Variants in LAMC3 observed in about 807,000 individuals in gnomAD.
LAMC3 encodes laminin subunit gamma 3.
Under a neutral mutation model 173.8 loss-of-function variants are expected in LAMC3, and 128 were observed. That is an observed-to-expected ratio of 0.74 (90% CI 0.64 to 0.85). The LOEUF (loss-of-function observed/expected upper bound fraction) is 0.85, where lower values mean the gene tolerates loss of function less well. Among genes scored for constraint, LAMC3 ranks in the 40% least tolerant of loss-of-function variants. The pLI, the probability that LAMC3 is intolerant of heterozygous loss-of-function variation, is 0.00. For synonymous variants in LAMC3, 897 were observed against 909.1 expected, an observed-to-expected ratio of 0.99 and a Z score of 0.24; for missense variants, 2,022 against 2,156.0, an observed-to-expected ratio of 0.94 and a Z score of 1.23.
intron 22 of LAMC3, among the ~76,000 whole-genome samples, chr9:131,078,123 C>T (rs1362769316): frequency 6.6e-6 from 1 of 152,190 alleles, no homozygotes; most frequent in East Asian, 1.9e-4. Flanking sequence ...TTATACTCAT[C>T]ACCTCTGCAT....
At position 131,075,870 on chromosome 9, in the gene LAMC3, G is replaced by T; in HGVS notation, c.3534G>T (p.Trp1178Cys). ...DTATKIAATA[W>C]RALLASNTSY... The stretch of plus-strand genomic sequence containing the variant: ...CCACCAAGATCGCAGCCACTGCTTG[G>T]AGGGCCCTGCTCGCCTCCAACACCA... Residue 1178 changes from tryptophan (W) to cysteine (C), a missense_variant, in exon 21 of 28, where the codon TGG becomes TGT. Transcript: ENST00000361069. The T allele has an allele frequency of 6.2e-7, 1 of 1,612,544 alleles. No homozygotes were observed. The highest frequency in any genetic ancestry group is 8.5e-7 in the Non-Finnish European group (1 of 1,179,332).
chr9:131,047,644 C>T (rs929803653), intron 8 of LAMC3, among the ~76,000 whole-genome samples: 1 of 151,374 alleles, frequency 6.6e-6, no homozygotes, highest in South Asian at 2.1e-4. Flanking sequence ...GAGCGGATCA[C>T]CTGAGGTCAA....
chr9:131,021,281 G>C (rs960200523), intron 1 of LAMC3: 1 of 152,172 alleles, frequency 6.6e-6, no homozygotes, highest in African/African-American at 2.4e-5. Context: ...GACAGTAACT[G>C]CTCTGGGGCT....
intron 27 of LAMC3, among the ~76,000 whole-genome samples, chr9:131,090,180 C>G (rs975573554): frequency 6.6e-6 from 1 of 152,180 alleles, no homozygotes; most frequent in Non-Finnish European, 1.5e-5. Flanking sequence ...CCAAGTGACT[C>G]AGCGTGCGTG....
intron 10 of LAMC3, 68 bp from the exon 11 acceptor site, chr9:131,052,782 C>A: frequency 1.5e-6 from 2 of 1,328,238 alleles, no homozygotes; most frequent in Non-Finnish European, 2.2e-6. Context: ...GGGGGCTACC[C>A]CCCATCCCCA....
At position 131,059,589 on chromosome 9, in the gene LAMC3, T is replaced by C. The variant is rs942693822; in HGVS notation, c.2159-1446T>C. Among the ~76,000 whole-genome samples, 5 of 149,552 alleles carry C rather than the reference T, an allele frequency of 3.3e-5. No homozygotes were observed. In the East Asian group the frequency reaches 1.0e-3, roughly 31 times the overall value. The stretch of plus-strand genomic sequence containing the variant: ...CACACGCCACATACAGGGCACTCTG[T>C]CTTCTTGTGTCCATGGCAAGCATTG... On this transcript the variant is annotated intron_variant, in intron 12 of 27. Coordinates refer to ENST00000361069, the MANE Select transcript of LAMC3 (RefSeq NM_006059.4).
rs751440821 is a variant in LAMC3, at chr9:131,032,449, C to CCCTCCCTT, written c.809+284_809+291dup. Among the ~76,000 whole-genome samples the CCCTCCCTT allele has an allele frequency of 2.8e-3, 418 of 151,538 alleles. 1 individual carries two copies. Among genetic ancestry groups the CCCTCCCTT allele is most frequent in the Middle Eastern group, 6.9e-3 (2 of 290 alleles). ...GAGGTTCCTTCCTTCCTCCCTCCCT[C>CCCTCCCTT]CCTCCCTTCCTCCCTTCGCTCTCGC... On this transcript the variant is annotated intron_variant, in intron 3 of 27. Transcript: ENST00000361069.
Position 131,032,187 on chromosome 9 carries a change from GAGGGAGGC to G in LAMC3, c.809+17_809+24del, listed in dbSNP as rs1303994293. ...TCTGTGGGCGGCAGGTAGGAGGGAG[GAGGGAGGC>G]AGGGTGGCAGGGCTCCAGGACCCAA... is the stretch of plus-strand genomic sequence containing the variant. On this transcript the variant is annotated intron_variant, in intron 3 of 27. Coordinates refer to ENST00000361069, the MANE Select transcript of LAMC3 (RefSeq NM_006059.4). The G allele has an allele frequency of 5.2e-6, 8 of 1,550,366 alleles. No individual in the cohort carries two copies. The highest frequency in any genetic ancestry group is 4.1e-5 in the African/African-American group (3 of 73,026).
intron 19 of LAMC3, among the ~76,000 whole-genome samples, 162 bp downstream of exon 19, chr9:131,072,997 C>T (rs1281359431): frequency 4.6e-5 from 7 of 152,154 alleles, no homozygotes; most frequent in Admixed American, 3.9e-4. Flanking sequence ...CTGGATTCAG[C>T]GAGAGGATGT....
At chr9:131,011,279 T>C (rs1034857462) in intron 1 of LAMC3, among the ~76,000 whole-genome samples, 31 of 152,316 alleles carry the variant, frequency 2.0e-4, no homozygotes, top group African/African-American at 7.2e-4. Context: ...GGATTAGGGA[T>C]GATGGGACTG....
At chr9:131,039,702 C>T (rs1446975018) in intron 6 of LAMC3, among the ~76,000 whole-genome samples, 3 of 151,518 alleles carry the variant, frequency 2.0e-5, no homozygotes, top group Non-Finnish European at 1.5e-5. Flanking sequence ...TTCCAGAGCC[C>T]AGTGCAAGGA....
intron 23 of LAMC3, among the ~76,000 whole-genome samples, chr9:131,080,688 C>T (rs1230085024): frequency 1.3e-5 from 2 of 152,048 alleles, no homozygotes; most frequent in African/African-American, 2.4e-5. Flanking sequence ...TTTGGCTTTG[C>T]CCCCGGGGTA....
chr9:131,049,822 T>A (rs1446073420), intron 9 of LAMC3, among the ~76,000 whole-genome samples: 1 of 152,120 alleles, frequency 6.6e-6, no homozygotes, highest in Non-Finnish European at 1.5e-5. Context: ...GGAAGGAGGT[T>A]CTTGATCATT....
At position 131,069,847 on chromosome 9, in the gene LAMC3, G is replaced by T. The variant is rs745626055; in HGVS notation, c.3066G>T (p.Glu1022Asp). The T allele has an allele frequency of 6.3e-7, 1 of 1,586,534 alleles. No homozygotes were observed. The highest frequency in any genetic ancestry group is 8.6e-7 in the Non-Finnish European group (1 of 1,166,004). ...CGTCCTGCTACGCCCTGGTGAAGGA[G>T]GAGGTGAGTCGGCCCAGACCCACTC... is the stretch of plus-strand genomic sequence containing the variant. ...QCPSCYALVK[E>D]EAAKLKARLT... Residue 1022 changes from glutamate to aspartate, a missense_variant, in exon 17 of 28, where the codon GAG becomes GAT. Transcript: ENST00000361069.
chr9:131,031,855 C>G (rs187177630), intron 2 of LAMC3, among the ~76,000 whole-genome samples, 190 bp from the exon 3 acceptor site: 1 of 152,210 alleles, frequency 6.6e-6, no homozygotes, highest in Non-Finnish European at 1.5e-5. Context: ...TAGCCTAGCA[C>G]CCAGGTTGGG....
intron 22 of LAMC3, among the ~76,000 whole-genome samples, chr9:131,078,520 T>C (rs1458541017): frequency 6.6e-6 from 1 of 152,056 alleles, no homozygotes; most frequent in Non-Finnish European, 1.5e-5. Flanking sequence ...AAACTCAGCT[T>C]ATAAAAATGC....
intron 16 of LAMC3, among the ~76,000 whole-genome samples, 186 bp downstream of exon 16, chr9:131,069,236 A>G (rs1312083068): frequency 1.3e-5 from 2 of 152,232 alleles, no homozygotes; most frequent in Non-Finnish European, 2.9e-5. Flanking sequence ...GCAGAGTCAC[A>G]TGACCCAGAG....
intron 9 of LAMC3, among the ~76,000 whole-genome samples, chr9:131,051,537 G>T (rs1294414131): frequency 6.6e-6 from 1 of 151,740 alleles, no homozygotes; most frequent in Non-Finnish European, 1.5e-5. Context: ...CTAATTTTTT[G>T]TATTTTTACT....
Position 131,075,898 on chromosome 9 carries a change from T to G in LAMC3, c.3562T>G (p.Tyr1188Asp). 6.2e-7 allele frequency: 1 copy of G among 1,612,412 alleles called. No homozygotes were observed. The highest frequency in any genetic ancestry group is 8.5e-7 in the Non-Finnish European group (1 of 1,179,110). ...GGCCCTGCTCGCCTCCAACACCAGCTACGCGCTTCTCTGGAATCTGCTGGA... is the reference window on the plus strand; with the variant it reads ...GGCCCTGCTCGCCTCCAACACCAGCGACGCGCTTCTCTGGAATCTGCTGGA... ...WRALLASNTS[Y>D]ALLWNLLEGR... Residue 1188 changes from tyrosine to aspartate, a missense_variant, in exon 21 of 28, where the codon TAC (tyrosine) becomes GAC (aspartate). Tyr to Asp is a radical substitution (Grantham distance 160, BLOSUM62 -3). Transcript: ENST00000361069.
Sources: gnomAD v4.1 joint callset for allele counts (sites outside exome capture counted in the v4.1 genomes callset) on GRCh38, gnomAD v4.1.1 for gene constraint, MANE v1.5 for transcripts, NCBI Gene and HGNC (gene_info 2026-07-23, HGNC 2026-07-21) for gene names.